The following ALCAM variants were observed in gnomAD, a reference collection of about 807,000 sequenced individuals.
ALCAM encodes activated leukocyte cell adhesion molecule.
ALCAM carries 30 observed loss-of-function variants against 70.9 expected under a neutral mutation model. The ratio of observed to expected loss-of-function variants is 0.42; its 90% confidence interval spans 0.32 to 0.57. The LOEUF is 0.57. ALCAM is among the 20% of genes least tolerant of loss of function. ALCAM has a pLI of 0.11. For missense variants in ALCAM, 591 were observed against 695.1 expected, an observed-to-expected ratio of 0.85 and a Z score of 1.68; for synonymous variants, 249 against 242.5, an observed-to-expected ratio of 1.03 and a Z score of -0.25.
At chr3:105,420,034 A>AG (rs1936606373) in intron 1 of ALCAM, among the ~76,000 whole-genome samples, 1 of 151,658 alleles carries the variant, frequency 6.6e-6, no homozygotes, top group Admixed American at 6.6e-5. Flanking sequence ...ACAAGCACAA[A>AG]TAAAAAAACC....
At chr3:105,389,957 G>A (rs900445087) in intron 1 of ALCAM, among the ~76,000 whole-genome samples, 85 of 151,814 alleles carry the variant, frequency 5.6e-4, no homozygotes, top group African/African-American at 2.0e-3. Flanking sequence ...TTGTATGTAT[G>A]TACCACATTT....
At chr3:105,384,125 AC>A (rs1935592216) in intron 1 of ALCAM, among the ~76,000 whole-genome samples, 1 of 151,770 alleles carries the variant, frequency 6.6e-6, no homozygotes, top group East Asian at 1.9e-4. Flanking sequence ...TTTTTACAAA[AC>A]TATTGACTAT....
At chr3:105,489,812 A>T (rs950579153) in intron 1 of ALCAM, among the ~76,000 whole-genome samples, 1 of 147,746 alleles carries the variant, frequency 6.8e-6, no homozygotes, top group Non-Finnish European at 1.5e-5. Flanking sequence ...ACATTCTCTG[A>T]ACACTATCCT....
Position 105,418,795 on chromosome 3 carries a change from G to C in ALCAM, c.73+51314G>C, listed in dbSNP as rs1936571760. Among the ~76,000 whole-genome samples, 3 of 151,488 alleles carry C rather than the reference G, an allele frequency of 2.0e-5. No individual in the cohort carries two copies. The South Asian group carries it at 6.2e-4, about 31-fold the overall frequency. On this transcript the variant is annotated intron_variant, in intron 1 of 15. Coordinates refer to ENST00000306107, the MANE Select transcript of ALCAM (RefSeq NM_001627.4). ...CTATAGATCTTCAATTTTATCTTCA[G>C]GTTCTAGAGTTTTCCAGATATTCAC...
intron 1 of ALCAM, among the ~76,000 whole-genome samples, chr3:105,369,178 A>C (rs1935158932): frequency 6.6e-6 from 1 of 152,132 alleles, no homozygotes; most frequent in Non-Finnish European, 1.5e-5. Context: ...GGAGAATGTA[A>C]TCTCACCCTC....
chr3:105,540,188 A>G, intron 7 of ALCAM, 86 bp downstream of exon 7: 2 of 1,359,132 alleles, frequency 1.5e-6, no homozygotes, highest in Non-Finnish European at 2.0e-6. Flanking sequence ...GTGAGAAAAA[A>G]TGTTATTGCT....
intron 3 of ALCAM, 104 bp from the exon 4 acceptor site, chr3:105,531,898 A>C: frequency 2.2e-6 from 2 of 911,718 alleles, no homozygotes; most frequent in Non-Finnish European, 3.6e-6. Context: ...TCTGTTGCTT[A>C]TTCTTCTGTA....
intron 1 of ALCAM, among the ~76,000 whole-genome samples, chr3:105,468,010 T>C (rs879652689): frequency 1.6e-4 from 24 of 151,304 alleles, no homozygotes; most frequent in Admixed American, 4.6e-4. Flanking sequence ...AAAGAAGTGG[T>C]AATTTATATC....
At chr3:105,368,263 G>GAGAGAA (rs1412428456) in intron 1 of ALCAM, among the ~76,000 whole-genome samples, 1 of 143,340 alleles carries the variant, frequency 7.0e-6, no homozygotes, top group African/African-American at 2.5e-5. Flanking sequence ...GAGAGAGAGA[G>GAGAGAA]AAAAGGCAAA....
At chr3:105,499,254 A>G (rs959854486) in intron 1 of ALCAM, among the ~76,000 whole-genome samples, 1 of 152,216 alleles carries the variant, frequency 6.6e-6, no homozygotes. Context: ...TTAAATATAC[A>G]TATGTTTTAT....
intron 1 of ALCAM, among the ~76,000 whole-genome samples, chr3:105,415,312 C>T (rs756998253): frequency 2.6e-5 from 4 of 152,114 alleles, no homozygotes; most frequent in Non-Finnish European, 5.9e-5. Context: ...ATATGGTTTT[C>T]CTGATACAAA....
At chr3:105,475,571 A>G (rs1938086435) in intron 1 of ALCAM, among the ~76,000 whole-genome samples, 1 of 152,054 alleles carries the variant, frequency 6.6e-6, no homozygotes, top group Admixed American at 6.6e-5. Context: ...AACACAGAAG[A>G]CTTCATCACG....
At chr3:105,565,447 ATCTGTGT>A (rs1940723005) in intron 14 of ALCAM, among the ~76,000 whole-genome samples, 2 of 152,000 alleles carry the variant, frequency 1.3e-5, no homozygotes, top group Non-Finnish European at 2.9e-5. Context: ...ATCATTTCTG[ATCTGTGT>A]TTCTCAGTCC....
chr3:105,402,399 G>T (rs1235224859), intron 1 of ALCAM, among the ~76,000 whole-genome samples: 1 of 152,114 alleles, frequency 6.6e-6, no homozygotes, highest in Non-Finnish European at 1.5e-5. Flanking sequence ...CCCTTTGAAG[G>T]AACTGTATCA....
rs554094897 is a variant in ALCAM at position 105,506,037 on chromosome 3, T to G, written c.74-14030T>G. 1.4e-4 allele frequency among the ~76,000 whole-genome samples: 21 copies of G among 152,286 alleles called. No homozygotes were observed. In the South Asian group the frequency reaches 4.3e-3, roughly 32 times the overall value. ...ACCTTGGTGACTGTTAAATAAGATT[T>G]TGTATTGGAAATTTTCTTTGTTGAA... On this transcript the variant is annotated intron_variant, in intron 1 of 15. Transcript: ENST00000306107.
chr3:105,402,703 C>T lies in ALCAM; in HGVS notation c.73+35222C>T. Among the ~76,000 whole-genome samples the T allele has an allele frequency of 1.3e-5, 2 of 152,060 alleles. 1 individual carries two copies. The highest frequency in any genetic ancestry group is 3.9e-4 in the East Asian group (2 of 5,168). On this transcript the variant is annotated intron_variant, in intron 1 of 15. Transcript: ENST00000306107. ...TGTAACTCCATTGGAGTTATAACTG[C>T]ACCCCCATCCCCCATGGCAGCCACA...
rs1440477605 is a variant in ALCAM, at chr3:105,572,075, G to C, written c.*25+111G>C. 27 of 611,452 alleles carry C rather than the reference G, an allele frequency of 4.4e-5. No individual in the cohort carries two copies. The East Asian group carries it at 7.1e-4, about 16-fold the overall frequency. 37.9% of individuals were successfully genotyped at this position (611,452 alleles called of 1,614,324 possible). A position where few individuals can be genotyped will look rare whatever the true frequency, so the allele number is the denominator to read the frequency against. On this transcript the variant is annotated intron_variant, in intron 15 of 15. Transcript: ENST00000306107. Reference sequence around the variant, plus strand: ...CTCCATAATTACAGCTTTCAAAACAGGAAGAGAGGGGTTTTTTTTCTTTTT... The same window carrying C: ...CTCCATAATTACAGCTTTCAAAACACGAAGAGAGGGGTTTTTTTTCTTTTT...
Position 105,412,881 on chromosome 3 carries a change from A to G in ALCAM, c.73+45400A>G, listed in dbSNP as rs193146090. On this transcript the variant is annotated intron_variant, in intron 1 of 15. Transcript: ENST00000306107. ...TGTGTTAATAGGAATATTAAATAGA[A>G]TTTCTCTCAAGGAAAGATTTTAAAG... 5.5e-3 allele frequency among the ~76,000 whole-genome samples: 841 copies of G among 152,214 alleles called. 4 individuals carry two copies. Among genetic ancestry groups the G allele is most frequent in the Non-Finnish European group, 6.8e-3 (463 of 67,980 alleles).
intron 15 of ALCAM, among the ~76,000 whole-genome samples, chr3:105,573,461 G>A (rs994243475): frequency 2.6e-4 from 40 of 152,072 alleles, no homozygotes; most frequent in Admixed American, 1.7e-3. Flanking sequence ...ATACATATAC[G>A]CATATGCTTT....
Sources: gnomAD v4.1 joint callset for allele counts (sites outside exome capture counted in the v4.1 genomes callset) on GRCh38, gnomAD v4.1.1 for gene constraint, MANE v1.5 for transcripts, NCBI Gene and HGNC (gene_info 2026-07-23, HGNC 2026-07-21) for gene names.